HIPK2: variants seen among roughly 807,000 people sequenced by gnomAD.
HIPK2 encodes homeodomain-interacting protein kinase 2.
HIPK2 carries 27 observed loss-of-function variants against 113.7 expected under a neutral mutation model. The ratio of observed to expected loss-of-function variants is 0.24; its 90% CI spans 0.17 to 0.33. The LOEUF is 0.33. Ranked by LOEUF, HIPK2 falls within the 10% of genes least tolerant of loss-of-function variation. The pLI, the probability that HIPK2 is intolerant of heterozygous loss-of-function variation, is 1.00. For synonymous variants in HIPK2, 631 were observed against 642.2 expected (o/e 0.98, Z 0.26); for missense variants, 1,257 against 1,588.0 (o/e 0.79, Z 3.54).
chr7:139,752,771 C>T (rs1433371428), intron 1 of HIPK2, among the ~76,000 whole-genome samples: 1 of 151,288 alleles, frequency 6.6e-6, no homozygotes, highest in Non-Finnish European at 1.5e-5. Context: ...TGCTGAAGCA[C>T]ATGGAGAACC....
At chr7:139,648,809 G>T (rs534819885) in intron 2 of HIPK2, among the ~76,000 whole-genome samples, 2 of 151,406 alleles carry the variant, frequency 1.3e-5, no homozygotes, top group African/African-American at 2.4e-5. Context: ...TCCTTTCCCC[G>T]TATGTATTGT....
chr7:139,706,282 T>C (rs1204337950), intron 2 of HIPK2, among the ~76,000 whole-genome samples: 1 of 152,220 alleles, frequency 6.6e-6, no homozygotes, highest in East Asian at 1.9e-4. Flanking sequence ...GATGTGTACG[T>C]TCCCCAAGAG....
intron 10 of HIPK2, among the ~76,000 whole-genome samples, chr7:139,601,532 C>T (rs181788459): frequency 1.8e-4 from 28 of 152,298 alleles, no homozygotes; most frequent in Middle Eastern, 3.4e-3. Flanking sequence ...ATTAATTACA[C>T]GCTTGCTGAA....
At position 139,756,858 on chromosome 7, in the gene HIPK2, G is replaced by C. The variant is rs549007309; in HGVS notation, c.19+20747C>G. Among the ~76,000 whole-genome samples the C allele has an allele frequency of 3.3e-5, 5 of 152,326 alleles. No individual in the cohort carries two copies. The East Asian group carries it at 7.7e-4, about 23-fold the overall frequency. On this transcript the variant is annotated intron_variant, in intron 1 of 14. Transcript: ENST00000406875. ...CCCATATCTCCTTTAAGGCAAGCTTGAGACCCAAATCTTAGCTGATAGCAC... is the reference window on the plus strand; with the variant it reads ...CCCATATCTCCTTTAAGGCAAGCTTCAGACCCAAATCTTAGCTGATAGCAC...
intron 2 of HIPK2, among the ~76,000 whole-genome samples, chr7:139,706,846 G>A (rs953960663): frequency 2.6e-5 from 4 of 152,182 alleles, no homozygotes; most frequent in African/African-American, 7.2e-5. Flanking sequence ...AAAGAGTGAC[G>A]TCCCAGCACA....
At chr7:139,629,242 G>A (rs1189936908) in intron 4 of HIPK2, among the ~76,000 whole-genome samples, 1 of 152,120 alleles carries the variant, frequency 6.6e-6, no homozygotes, top group African/African-American at 2.4e-5. Flanking sequence ...ATGCACACGT[G>A]TCAGGGGCTG....
chr7:139,583,896 C>T lies in HIPK2; in HGVS notation c.2886G>A (p.Gly962=). 1 of 1,613,808 alleles carries T rather than the reference C, an allele frequency of 6.2e-7. No homozygotes were observed. Among genetic ancestry groups the T allele is most frequent in the Non-Finnish European group, 8.5e-7 (1 of 1,179,806 alleles). The change falls in exon 13 of 15, where the codon GGG becomes GGA. Residue 962 remains glycine, a synonymous_variant. Coordinates refer to ENST00000406875, the MANE Select transcript of HIPK2 (RefSeq NM_022740.5). The part of the protein sequence containing the change: ...TKGSLENHCT[G]NPRTIIVPPL... ...GTGGCACGATGATGGTTCGGGGGTTCCCCGTGCAGTGATTCTCCAGGCTCC... is the reference window on the plus strand; with the variant it reads ...GTGGCACGATGATGGTTCGGGGGTTTCCCGTGCAGTGATTCTCCAGGCTCC...
intron 2 of HIPK2, among the ~76,000 whole-genome samples, chr7:139,691,178 A>C (rs776064893): frequency 1.3e-5 from 2 of 152,186 alleles, no homozygotes; most frequent in Non-Finnish European, 2.9e-5. Flanking sequence ...TTACTATCAC[A>C]GTGTGGTATT....
chr7:139,699,585 G>A (rs1794652112), intron 2 of HIPK2, among the ~76,000 whole-genome samples: 1 of 152,210 alleles, frequency 6.6e-6, no homozygotes, highest in Non-Finnish European at 1.5e-5. Context: ...GCTATCAGGA[G>A]GCAAGGCTGG....
chr7:139,637,937 G>A (rs1416661381), intron 2 of HIPK2, among the ~76,000 whole-genome samples: 2 of 152,120 alleles, frequency 1.3e-5, no homozygotes, highest in Non-Finnish European at 2.9e-5. Context: ...GACAGCAGGA[G>A]TGCCAAGGAC....
At chr7:139,703,945 CAACA>C (rs1794795327) in intron 2 of HIPK2, among the ~76,000 whole-genome samples, 1 of 63,438 alleles carries the variant, frequency 1.6e-5, no homozygotes, top group South Asian at 8.8e-4. Context: ...ACACTATATC[CAACA>C]TACACACCCC....
At chr7:139,621,849 T>C (rs1258207943) in intron 6 of HIPK2, among the ~76,000 whole-genome samples, 1 of 145,868 alleles carries the variant, frequency 6.9e-6, no homozygotes, top group Non-Finnish European at 1.5e-5. Context: ...CTTGAGCCTG[T>C]GAGGTCGAGG....
At position 139,563,911 on chromosome 7, in the gene HIPK2, TAAAAG is replaced by T. The variant is rs756476936; in HGVS notation, c.*9011_*9015del. On this transcript the variant is annotated 3_prime_UTR_variant, in exon 15 of 15. Coordinates refer to ENST00000406875, the MANE Select transcript of HIPK2 (RefSeq NM_022740.5). ...TTTGGTGGTGGCACAAGAGAAAACA[TAAAAG>T]AAACCAAGACTCAGGGAAACTGCCA... 5 of 398,452 alleles carry T rather than the reference TAAAAG, an allele frequency of 1.3e-5. No homozygotes were observed. Among genetic ancestry groups the T allele is most frequent in the Non-Finnish European group, 1.8e-5 (4 of 226,048 alleles). 24.7% of individuals were successfully genotyped at this position (398,452 alleles called of 1,614,324 possible).
At chr7:139,660,012 T>TG (rs1801811636) in intron 2 of HIPK2, among the ~76,000 whole-genome samples, 3 of 152,248 alleles carry the variant, frequency 2.0e-5, no homozygotes, top group African/African-American at 7.2e-5. Flanking sequence ...TGTTCCATGG[T>TG]TCAAAAATCA....
intron 9 of HIPK2, among the ~76,000 whole-genome samples, chr7:139,605,086 TA>T (rs1799575094): frequency 6.6e-6 from 1 of 152,254 alleles, no homozygotes; most frequent in Non-Finnish European, 1.5e-5. Flanking sequence ...AAGTATGAAG[TA>T]AAATTCTTAG....
intron 2 of HIPK2, among the ~76,000 whole-genome samples, chr7:139,642,072 T>C (rs935601008): frequency 6.6e-6 from 1 of 152,262 alleles, no homozygotes. Context: ...CATGGTATTT[T>C]ATAATCACTG....
At chr7:139,700,860 A>C (rs1794686991) in intron 2 of HIPK2, among the ~76,000 whole-genome samples, 1 of 152,264 alleles carries the variant, frequency 6.6e-6, no homozygotes, top group African/African-American at 2.4e-5. Flanking sequence ...CTGCAGAGCC[A>C]TGCACATAGT....
chr7:139,730,494 G>T (rs1795742623), intron 1 of HIPK2, among the ~76,000 whole-genome samples: 2 of 152,030 alleles, frequency 1.3e-5, no homozygotes, highest in Admixed American at 6.5e-5. Flanking sequence ...CCGAGTAGTG[G>T]GGATTACAGG....
chr7:139,600,463 T>G lies in HIPK2; in HGVS notation c.2389A>C (p.Ser797Arg), dbSNP rs1164864525. 6.2e-7 allele frequency: 1 copy of G among 1,613,932 alleles called. No homozygotes were observed. ...VAHVMRQQPTSTTSSRKSKQH... is the reference protein window; with the variant it reads ...VAHVMRQQPTRTTSSRKSKQH... ...TTACTCTTCCGGGAGGAGGTGGTGC[T>G]GGTTGGCTGCTGCCGCATCACGTGG... The change falls in exon 11 of 15, where the codon AGC (serine) becomes CGC (arginine). Residue 797 changes from serine to arginine, a missense_variant. Physicochemically the swap from Ser to Arg is moderately radical, Grantham distance 110. Coordinates refer to ENST00000406875, the MANE Select transcript of HIPK2 (RefSeq NM_022740.5).
Sources: allele counts gnomAD v4.1 joint callset (sites outside exome capture counted in the v4.1 genomes callset), GRCh38; gene constraint gnomAD v4.1.1; transcripts MANE v1.5; gene names NCBI Gene and HGNC (gene_info 2026-07-23, HGNC 2026-07-21).